The following NRG2 variants were observed in gnomAD, a reference collection of about 807,000 sequenced individuals.
NRG2 encodes pro-neuregulin-2, membrane-bound isoform.
Under a neutral mutation model 73.9 loss-of-function variants are expected in NRG2, and 27 were observed. The ratio of observed to expected loss-of-function variants is 0.37; its 90% CI spans 0.27 to 0.50. The LOEUF is 0.50. Among genes scored for constraint, NRG2 ranks in the 20% least tolerant of loss-of-function variants. NRG2 has a pLI of 0.96. For synonymous variants in NRG2, 532 were observed against 541.0 expected (o/e 0.98, Z 0.23); for missense variants, 1,126 against 1,210.1 (o/e 0.93, Z 1.03).
intron 9 of NRG2, among the ~76,000 whole-genome samples, chr5:139,850,117 A>C (rs796512295): frequency 6.6e-5 from 10 of 152,138 alleles, no homozygotes; most frequent in African/African-American, 1.9e-4. Flanking sequence ...TCCCCTTCCT[A>C]CCACCCATTA....
At chr5:139,897,070 G>A (rs1205461739) in intron 1 of NRG2, among the ~76,000 whole-genome samples, 3 of 152,144 alleles carry the variant, frequency 2.0e-5, no homozygotes, top group African/African-American at 7.2e-5. Flanking sequence ...ACTTGCCCAT[G>A]CCTATTCTGC....
intron 1 of NRG2, among the ~76,000 whole-genome samples, chr5:140,023,288 T>G (rs1408035830): frequency 2.6e-5 from 4 of 152,144 alleles, no homozygotes; most frequent in Non-Finnish European, 5.9e-5. Flanking sequence ...CCAACCATGC[T>G]AATCTCCTTG....
At chr5:139,959,012 C>G (rs1257533304) in intron 1 of NRG2, among the ~76,000 whole-genome samples, 1 of 152,170 alleles carries the variant, frequency 6.6e-6, no homozygotes, top group Admixed American at 6.5e-5. Context: ...GCTATAACCT[C>G]CAACCCCAAA....
intron 1 of NRG2, among the ~76,000 whole-genome samples, chr5:139,907,170 A>T (rs942741834): frequency 6.6e-6 from 1 of 152,044 alleles, no homozygotes; most frequent in African/African-American, 2.4e-5. Flanking sequence ...TAAATGTTGT[A>T]AAAGGAGCCT....
At chr5:139,943,421 T>G (rs1029496157) in intron 1 of NRG2, among the ~76,000 whole-genome samples, 2 of 152,206 alleles carry the variant, frequency 1.3e-5, no homozygotes, top group Non-Finnish European at 2.9e-5. Context: ...GTGCTGGGAT[T>G]ACAGGCATGA....
In NRG2 at chr5:139,904,673, C is replaced by G. The variant is rs930925040; in HGVS notation, c.701-17162G>C. Among the ~76,000 whole-genome samples the G allele has an allele frequency of 9.2e-5, 14 of 152,148 alleles. No homozygotes were observed. Among genetic ancestry groups the G allele is most frequent in the African/African-American group, 2.2e-4 (9 of 41,462 alleles). On this transcript the variant is annotated intron_variant, in intron 1 of 9. Coordinates refer to ENST00000361474, the MANE Select transcript of NRG2 (RefSeq NM_004883.3). This position sits in a 1 kb window ranked among gnomAD's most constrained non-coding sequence, Gnocchi z 6.0. ...GAGGTAGGCAAGACCGGCGCCTAAACAGGGCGCCACAGACCTCCTCGCCGA... is the reference window on the plus strand; with the variant it reads ...GAGGTAGGCAAGACCGGCGCCTAAAGAGGGCGCCACAGACCTCCTCGCCGA...
chr5:139,953,697 A>G (rs1754404393), intron 1 of NRG2, among the ~76,000 whole-genome samples: 1 of 152,186 alleles, frequency 6.6e-6, no homozygotes, highest in African/African-American at 2.4e-5. Context: ...CCAGATGATG[A>G]TAAGAGGAAA....
chr5:140,001,867 A>T (rs1054138949), intron 1 of NRG2, among the ~76,000 whole-genome samples: 3 of 152,072 alleles, frequency 2.0e-5, no homozygotes, highest in African/African-American at 7.2e-5. Context: ...TGTCTCTAAA[A>T]TAAGTAAATT....
intron 1 of NRG2, among the ~76,000 whole-genome samples, chr5:139,981,446 C>T (rs907325740): frequency 2.0e-5 from 3 of 152,262 alleles, no homozygotes; most frequent in Non-Finnish European, 2.9e-5. Context: ...ATCCTTAACC[C>T]GCCATGCTGG....
intron 1 of NRG2, among the ~76,000 whole-genome samples, chr5:140,028,049 G>A (rs1329316118): frequency 6.6e-6 from 1 of 152,136 alleles, no homozygotes; most frequent in African/African-American, 2.4e-5. Flanking sequence ...CTTTCTAAAT[G>A]GAATCATCTA....
chr5:139,965,207 C>T (rs1036137188), intron 1 of NRG2, among the ~76,000 whole-genome samples: 5 of 152,200 alleles, frequency 3.3e-5, no homozygotes, highest in Non-Finnish European at 4.4e-5. Context: ...TAAGAGCCTG[C>T]GTGAATGGTC....
rs1262591491 is a variant in NRG2 at position 139,980,092 on chromosome 5, T to C, written c.700+62278A>G. Among the ~76,000 whole-genome samples, 3 of 152,288 alleles carry C rather than the reference T, an allele frequency of 2.0e-5. No individual in the cohort carries two copies. The East Asian group carries it at 5.8e-4, about 29-fold the overall frequency. On this transcript the variant is annotated intron_variant, in intron 1 of 9. Coordinates refer to ENST00000361474, the MANE Select transcript of NRG2 (RefSeq NM_004883.3). ...TTGTCACATCCCATGCTATTTCTGC[T>C]TATCACTGCCTCTTTCTTCCTCTTA...
At chr5:139,848,771 TAGGGTGG>T in intron 9 of NRG2, 74 bp from the exon 10 acceptor site, 7 of 54,656 alleles carry the variant, frequency 1.3e-4, no homozygotes, top group Admixed American at 2.9e-4. Flanking sequence ...GGGGGTGGGG[TAGGGTGG>T]GAGGGGCGGA....
intron 1 of NRG2, among the ~76,000 whole-genome samples, chr5:140,022,230 AC>A (rs1760294752): frequency 3.3e-5 from 5 of 152,162 alleles, no homozygotes; most frequent in Admixed American, 3.3e-4. Context: ...ACCAAGAATG[AC>A]CTGCCCCTAC....
At chr5:139,849,792 C>G (rs1405134393) in intron 9 of NRG2, among the ~76,000 whole-genome samples, 5 of 152,222 alleles carry the variant, frequency 3.3e-5, no homozygotes, top group Admixed American at 3.3e-4. Flanking sequence ...GAAGCACACT[C>G]TCCACCCCAT....
intron 1 of NRG2, among the ~76,000 whole-genome samples, chr5:139,973,156 C>CAAAAAAA (rs58053481): frequency 2.2e-5 from 2 of 89,418 alleles, no homozygotes; most frequent in African/African-American, 7.7e-5. Flanking sequence ...TAAGAATATG[C>CAAAAAAA]AAAAAAAAAA....
chr5:139,996,829 T>A (rs1758049692), intron 1 of NRG2, among the ~76,000 whole-genome samples: 3 of 152,178 alleles, frequency 2.0e-5, no homozygotes, highest in Admixed American at 6.5e-5. Flanking sequence ...GTTAAATTAT[T>A]TCATTTAAAA....
At chr5:139,984,150 T>G (rs554540668) in intron 1 of NRG2, among the ~76,000 whole-genome samples, 1 of 152,272 alleles carries the variant, frequency 6.6e-6, no homozygotes, top group African/African-American at 2.4e-5. Context: ...GTTCTAAGAA[T>G]TTCTTTTAAG....
chr5:140,037,647 C>G (rs1299296518), intron 1 of NRG2, among the ~76,000 whole-genome samples: 1 of 151,832 alleles, frequency 6.6e-6, no homozygotes, highest in South Asian at 2.1e-4. Flanking sequence ...CGGTGGCTCA[C>G]GCCTGTAATC....
Sources: gnomAD v4.1 joint callset for allele counts (sites outside exome capture counted in the v4.1 genomes callset) on GRCh38, gnomAD v4.1.1 for gene constraint, Gnocchi (gnomAD v3.1) non-coding constraint, MANE v1.5 for transcripts, NCBI Gene and HGNC (gene_info 2026-07-23, HGNC 2026-07-21) for gene names.